The following PRKG1 variants were observed in gnomAD, a reference collection of about 807,000 sequenced individuals.
PRKG1 encodes the protein cGMP-dependent protein kinase 1.
PRKG1 carries 35 observed loss-of-function variants against 88.1 expected under a neutral mutation model. That is an observed-to-expected ratio of 0.40 (90% CI 0.30 to 0.53). The LOEUF (loss-of-function observed/expected upper bound fraction) is 0.53, where lower values mean the gene tolerates loss of function less well. Among genes scored for constraint, PRKG1 ranks in the 20% least tolerant of loss-of-function variants. PRKG1 has a pLI of 0.59. For synonymous variants in PRKG1, 303 were observed against 292.5 expected, an observed-to-expected ratio of 1.04 and a Z score of -0.37; for missense variants, 540 against 839.8, an observed-to-expected ratio of 0.64 and a Z score of 4.41.
At chr10:51,656,337 T>C (rs899786511) in intron 3 of PRKG1, among the ~76,000 whole-genome samples, 1 of 152,162 alleles carries the variant, frequency 6.6e-6, no homozygotes, top group Admixed American at 6.6e-5. Flanking sequence ...TCCTTCTCAC[T>C]GCCTCTAGTT....
intron 5 of PRKG1, among the ~76,000 whole-genome samples, chr10:51,952,341 G>A (rs1475416958): frequency 2.0e-5 from 3 of 152,128 alleles, no homozygotes; most frequent in African/African-American, 7.2e-5. Context: ...GCAAATTTGG[G>A]AATCACTTGT....
At position 52,150,171 on chromosome 10, in the gene PRKG1, A is replaced by ATTATTATT. The variant is rs1564490935; in HGVS notation, c.1002-11718_1002-11717insTTATTATT. On this transcript the variant is annotated intron_variant, in intron 8 of 17. Coordinates refer to ENST00000373980, the MANE Select transcript of PRKG1 (RefSeq NM_006258.4). Reference sequence around the variant, plus strand: ...TCAAAATAATAATAATAATAATAATAATAATAATAATAATTTGATTGGCCA... The same window carrying ATTATTATT: ...TCAAAATAATAATAATAATAATAATATTATTATTATAATAATAATAATTTGATTGGCCA... Among the ~76,000 whole-genome samples, 201 of 103,060 alleles carry ATTATTATT rather than the reference A, an allele frequency of 2.0e-3. 1 individual carries two copies. The highest frequency in any genetic ancestry group is 8.1e-3 in the African/African-American group (188 of 23,206). The allele number at this position is 103,060 out of a possible 152,430, so 67.6% of individuals were successfully genotyped here. A position where few individuals can be genotyped will look rare whatever the true frequency, so the allele number is the denominator to read the frequency against.
chr10:51,929,335 T>A (rs1209769893), intron 5 of PRKG1, among the ~76,000 whole-genome samples: 1 of 149,576 alleles, frequency 6.7e-6, no homozygotes, highest in African/African-American at 2.4e-5. Context: ...GACCAACATC[T>A]GAATTCCTTC....
At chr10:51,273,414 T>G (rs1223459620) in intron 2 of PRKG1, among the ~76,000 whole-genome samples, 2 of 151,284 alleles carry the variant, frequency 1.3e-5, no homozygotes, top group East Asian at 1.9e-4. Context: ...CCCAGCTACC[T>G]GAGAGGCTGA....
chr10:52,036,227 G>A (rs999302138), intron 5 of PRKG1, among the ~76,000 whole-genome samples: 1 of 151,864 alleles, frequency 6.6e-6, no homozygotes, highest in African/African-American at 2.4e-5. Flanking sequence ...AGGGTGCAAA[G>A]GAATAGTAAA....
At chr10:51,939,793 A>G (rs1842868058) in intron 5 of PRKG1, among the ~76,000 whole-genome samples, 1 of 150,974 alleles carries the variant, frequency 6.6e-6, no homozygotes, top group Non-Finnish European at 1.5e-5. Flanking sequence ...ATATAACTGT[A>G]GAAGAAAAAT....
At chr10:51,902,276 C>T (rs1207797793) in intron 4 of PRKG1, among the ~76,000 whole-genome samples, 1 of 151,892 alleles carries the variant, frequency 6.6e-6, no homozygotes, top group Non-Finnish European at 1.5e-5. Context: ...GCCACCATAC[C>T]CAGCTAATTT....
intron 3 of PRKG1, among the ~76,000 whole-genome samples, chr10:51,581,557 A>G (rs919118588): frequency 3.3e-5 from 5 of 152,082 alleles, no homozygotes; most frequent in African/African-American, 9.7e-5. Context: ...CTTTTCTGGG[A>G]TAGGAATCTT....
intron 7 of PRKG1, among the ~76,000 whole-genome samples, chr10:52,115,480 G>C (rs956889248): frequency 6.6e-6 from 1 of 151,992 alleles, no homozygotes; most frequent in African/African-American, 2.4e-5. Flanking sequence ...TTATTTCACA[G>C]GCTGTTCCTG....
At chr10:51,352,949 A>G (rs761433639) in intron 2 of PRKG1, among the ~76,000 whole-genome samples, 6 of 151,668 alleles carry the variant, frequency 4.0e-5, no homozygotes, top group Non-Finnish European at 7.4e-5. Context: ...TAAAACAGAC[A>G]CAAAGACCAA....
chr10:51,289,048 A>G (rs1840515595), intron 2 of PRKG1, among the ~76,000 whole-genome samples: 1 of 152,302 alleles, frequency 6.6e-6, no homozygotes, highest in East Asian at 1.9e-4. Context: ...CAATCAGGGA[A>G]TATCATAAAT....
At position 51,998,393 on chromosome 10, in the gene PRKG1, G is replaced by C. The variant is rs77618001; in HGVS notation, c.763-56091G>C. On this transcript the variant is annotated intron_variant, in intron 5 of 17. Coordinates refer to ENST00000373980, the MANE Select transcript of PRKG1 (RefSeq NM_006258.4). Reference sequence around the variant, plus strand: ...TACTAGTGTTCAACAAATACCCCTAGGCTGAAACACTCTAAATGTTCACTT... The same window carrying C: ...TACTAGTGTTCAACAAATACCCCTACGCTGAAACACTCTAAATGTTCACTT... Among the ~76,000 whole-genome samples the C allele has an allele frequency of 8.0e-3, 1,213 of 152,080 alleles. 23 individuals carry two copies. The highest frequency in any genetic ancestry group is 0.028 in the African/African-American group (1,161 of 41,502).
chr10:52,275,816 A>G (rs1841860005), intron 12 of PRKG1, among the ~76,000 whole-genome samples: 2 of 151,972 alleles, frequency 1.3e-5, no homozygotes, highest in Non-Finnish European at 2.9e-5. Flanking sequence ...TGAGCATGGG[A>G]TGTTTGTGTC....
intron 14 of PRKG1, among the ~76,000 whole-genome samples, chr10:52,286,576 TTAAAA>T (rs1406592123): frequency 2.0e-5 from 3 of 152,034 alleles, no homozygotes; most frequent in African/African-American, 4.8e-5. Context: ...TTTGGCAATC[TTAAAA>T]TAACACTAAA....
At position 51,557,562 on chromosome 10, in the gene PRKG1, G is replaced by A. The variant is rs1240612032; in HGVS notation, c.592+89726G>A. ...TGGATTCAACTAGCTATGTCATCTT[G>A]GGCTAGTCATATACATTCTTTGACA... On this transcript the variant is annotated intron_variant, in intron 3 of 17. Transcript: ENST00000373980. 3.3e-5 allele frequency among the ~76,000 whole-genome samples: 5 copies of A among 152,046 alleles called. No individual in the cohort carries two copies. In the East Asian group the frequency reaches 9.7e-4, roughly 30 times the overall value.
chr10:51,974,147 C>A (rs1375435278), intron 5 of PRKG1, among the ~76,000 whole-genome samples: 1 of 152,092 alleles, frequency 6.6e-6, no homozygotes, highest in Non-Finnish European at 1.5e-5. Flanking sequence ...GTCTACTCAA[C>A]CCTGGCTTAG....
chr10:51,553,881 ACG>A (rs1837213424), intron 3 of PRKG1, among the ~76,000 whole-genome samples: 3 of 120,152 alleles, frequency 2.5e-5, no homozygotes, highest in Non-Finnish European at 3.5e-5. Context: ...TGTATTAGAT[ACG>A]TGTATATAAT....
chr10:51,435,477 T>C (rs1348269501), intron 2 of PRKG1, among the ~76,000 whole-genome samples: 1 of 141,586 alleles, frequency 7.1e-6, no homozygotes, highest in African/African-American at 2.7e-5. Context: ...TGGCAAAACA[T>C]TGGAGGATGC....
At chr10:51,890,120 T>C (rs1187106645) in intron 4 of PRKG1, among the ~76,000 whole-genome samples, 1 of 152,232 alleles carries the variant, frequency 6.6e-6, no homozygotes, top group Non-Finnish European at 1.5e-5. Flanking sequence ...GTATTAGACA[T>C]GAAGTCCTTG....
Sources: gnomAD v4.1 joint callset for allele counts (sites outside exome capture counted in the v4.1 genomes callset) on GRCh38, gnomAD v4.1.1 for gene constraint, MANE v1.5 for transcripts, NCBI Gene and HGNC (gene_info 2026-07-23, HGNC 2026-07-21) for gene names.